ZNF34: variants seen among roughly 807,000 people sequenced by gnomAD.
ZNF34 encodes zinc finger protein 34.
Under a neutral mutation model 14.4 loss-of-function variants are expected in ZNF34, and 8 were observed. That is an observed-to-expected ratio of 0.55 (90% CI 0.33 to 1.00). ZNF34 has a LOEUF of 1.00. Among genes scored for constraint, ZNF34 ranks in the 50% least tolerant of loss-of-function variants. The pLI is 0.03. For missense variants in ZNF34, 538 were observed against 674.2 expected (o/e 0.80, Z 2.24); for synonymous variants, 235 against 247.9 (o/e 0.95, Z 0.49).
intron 2 of ZNF34, among the ~76,000 whole-genome samples, chr8:144,780,026 C>CAAA (rs10710060): frequency 4.3e-4 from 44 of 101,640 alleles, no homozygotes; most frequent in African/African-American, 1.5e-3. Context: ...TTAATGCTAC[C>CAAA]AAAAAAAAAA....
chr8:144,784,458 TAAAA>T (rs397891745), intron 1 of ZNF34, among the ~76,000 whole-genome samples: 8 of 126,242 alleles, frequency 6.3e-5, no homozygotes, highest in African/African-American at 2.4e-4. Context: ...ACCTAAACAT[TAAAA>T]AAAAAAAAAA....
chr8:144,786,536 A>G (rs1037356677), intron 1 of ZNF34, among the ~76,000 whole-genome samples: 2 of 151,660 alleles, frequency 1.3e-5, no homozygotes, highest in African/African-American at 4.8e-5. Context: ...CGGGAGGCTG[A>G]GACAGGAGAA....
intron 1 of ZNF34, among the ~76,000 whole-genome samples, chr8:144,786,953 G>T (rs1223450627): frequency 6.6e-6 from 1 of 152,066 alleles, no homozygotes; most frequent in Non-Finnish European, 1.5e-5. Context: ...TGGGACCAAG[G>T]GGTCTGGAGC....
intron 1 of ZNF34, among the ~76,000 whole-genome samples, chr8:144,781,164 A>T (rs1002976489): frequency 8.5e-5 from 10 of 117,968 alleles, no homozygotes; most frequent in African/African-American, 2.8e-4. Context: ...TAAATAAATA[A>T]AAATAAAAAT....
chr8:144,786,553 G>C (rs920169683), intron 1 of ZNF34, among the ~76,000 whole-genome samples: 1 of 151,748 alleles, frequency 6.6e-6, no homozygotes, highest in Non-Finnish European at 1.5e-5. Flanking sequence ...AGAATCCCTT[G>C]AACTCGGGAG....
At chr8:144,786,675 A>G (rs1201207252) in intron 1 of ZNF34, among the ~76,000 whole-genome samples, 1 of 145,734 alleles carries the variant, frequency 6.9e-6, no homozygotes, top group Admixed American at 6.6e-5. Flanking sequence ...GAGAAGAGAA[A>G]AGAAAAGAAA....
chr8:144,774,728 A>G, intron 5 of ZNF34, 123 bp from the exon 6 acceptor site: 1 of 1,216,338 alleles, frequency 8.2e-7, no homozygotes, highest in Non-Finnish European at 1.1e-6. Flanking sequence ...CAGCCTTGCA[A>G]AGATAAGAGC....
At chr8:144,785,855 A>C (rs1041365961) in intron 1 of ZNF34, among the ~76,000 whole-genome samples, 3 of 152,186 alleles carry the variant, frequency 2.0e-5, no homozygotes, top group African/African-American at 7.2e-5. Flanking sequence ...GTAGAAGAAG[A>C]AAAAACTTCA....
In ZNF34 at chr8:144,777,333, T is replaced by C. The variant is rs773970166; in HGVS notation, c.280+125A>G. Reference sequence around the variant, plus strand: ...ACCTGGGCTTCAGCAAAGGCCACTGTCAGGCCTCCTGTGCTAGCCCCGATG... The same window carrying C: ...ACCTGGGCTTCAGCAAAGGCCACTGCCAGGCCTCCTGTGCTAGCCCCGATG... On this transcript the variant is annotated intron_variant, in intron 5 of 5. Transcript: ENST00000429371. The surrounding 1 kb of genome is among the most constrained non-coding windows in gnomAD (Gnocchi z 4.8). The C allele has an allele frequency of 1.2e-4, 158 of 1,328,708 alleles. No homozygotes were observed. The highest frequency in any genetic ancestry group is 1.4e-4 in the Non-Finnish European group (143 of 993,118). The allele number at this position is 1,328,708 out of a possible 1,614,324, so 82.3% of individuals were successfully genotyped here.
rs1825229373 is a variant in ZNF34 at position 144,772,314 on chromosome 8, G to A, written c.*952C>T. 6.6e-6 allele frequency among the ~76,000 whole-genome samples: 1 copy of A among 152,154 alleles called. No homozygotes were observed. The highest frequency in any genetic ancestry group is 2.1e-4 in the South Asian group (1 of 4,830). On this transcript the variant is annotated 3_prime_UTR_variant, in exon 6 of 6. Coordinates refer to ENST00000429371, the MANE Select transcript of ZNF34 (RefSeq NM_001286769.2). ...TGAGGTTACCAGCAGTAGGGAGAAG[G>A]GGGAAATGAAGAGTTATTATTTAAT...
rs182100873 is a variant in ZNF34 at position 144,784,817 on chromosome 8, T to C, written c.-108+2462A>G. On this transcript the variant is annotated intron_variant, in intron 1 of 5. Transcript: ENST00000429371. ...TAAAAGCCTATAAAGAAAAAGATTG[T>C]TTGATTCCATCAAAAAGAAAAAAGG... 2.6e-5 allele frequency among the ~76,000 whole-genome samples: 4 copies of C among 150,988 alleles called. No homozygotes were observed. The East Asian group carries it at 7.9e-4, about 30-fold the overall frequency.
Position 144,773,674 on chromosome 8 carries a change from C to A in ZNF34, c.1212G>T (p.Glu404Asp). 1 of 1,613,986 alleles carries A rather than the reference C, an allele frequency of 6.2e-7. No homozygotes were observed. Among genetic ancestry groups the A allele is most frequent in the Non-Finnish European group, 8.5e-7 (1 of 1,179,952 alleles). The change falls in exon 6 of 6, where the codon GAG (glutamate) becomes GAT (aspartate). Residue 404 changes from glutamate (E) to aspartate (D), a missense_variant. Glu to Asp is a conservative substitution (Grantham distance 45). Around this residue, in one of 3 missense-constraint regions of ZNF34, gnomAD observed 431 missense variants for 525.7 expected, o/e 0.82. Coordinates refer to ENST00000429371, the MANE Select transcript of ZNF34 (RefSeq NM_001286769.2). The surrounding 1 kb of genome is among the most constrained non-coding windows in gnomAD (Gnocchi z 5.4). ...GEKPYKCNEC[E>D]KAFIQKTKLV... ...GTTTGGTTTTTTGAATGAAAGCTTT[C>A]TCACATTCATTACATTTATAGGGTT... is the stretch of plus-strand genomic sequence containing the variant.
At chr8:144,776,638 C>T (rs2130231289) in intron 5 of ZNF34, among the ~76,000 whole-genome samples, 1 of 150,032 alleles carries the variant, frequency 6.7e-6, no homozygotes, top group Middle Eastern at 3.8e-3. Flanking sequence ...GGTGCAGTGG[C>T]AGTGGCTCAC....
At chr8:144,784,618 C>T (rs998480058) in intron 1 of ZNF34, among the ~76,000 whole-genome samples, 2 of 151,644 alleles carry the variant, frequency 1.3e-5, no homozygotes, top group Admixed American at 6.6e-5. Flanking sequence ...ATTAGCCGGG[C>T]GTGGTGGCGG....
At chr8:144,776,928 A>AAG (rs1825558473) in intron 5 of ZNF34, among the ~76,000 whole-genome samples, 1 of 151,914 alleles carries the variant, frequency 6.6e-6, no homozygotes, top group African/African-American at 2.4e-5. Context: ...AAAAAAAAAA[A>AAG]AAAGCAGTGT....
At chr8:144,778,676 A>G (rs1389233630) in intron 2 of ZNF34, among the ~76,000 whole-genome samples, 151 bp from the exon 3 acceptor site, 3 of 149,376 alleles carry the variant, frequency 2.0e-5, no homozygotes, top group Non-Finnish European at 2.9e-5. Context: ...CCTCCCGGAC[A>G]TAGACTCCAC....
At position 144,774,561 on chromosome 8, in the gene ZNF34, T is replaced by C; in HGVS notation, c.325A>G (p.Thr109Ala). Reference sequence around the variant, plus strand: ...CCCTGGGGATCTTCCTCACCAAATGTCTCCTGTGAAGTCAACTCCTTGTAC... The same window carrying C: ...CCCTGGGGATCTTCCTCACCAAATGCCTCCTGTGAAGTCAACTCCTTGTAC... ...TEYKELTSQE[T>A]FGEEDPQGSE... The change falls in exon 6 of 6, where the codon ACA (threonine) becomes GCA (alanine). Residue 109 changes from threonine (T) to alanine (A), a missense_variant. Thr to Ala is a moderately conservative substitution (Grantham distance 58). Coordinates refer to ENST00000429371, the MANE Select transcript of ZNF34 (RefSeq NM_001286769.2). The C allele has an allele frequency of 6.2e-7, 1 of 1,613,822 alleles. No homozygotes were observed. The highest frequency in any genetic ancestry group is 8.5e-7 in the Non-Finnish European group (1 of 1,179,844).
Position 144,773,829 on chromosome 8 carries a change from C to T in ZNF34, c.1057G>A (p.Asp353Asn). 1 of 1,614,106 alleles carries T rather than the reference C, an allele frequency of 6.2e-7. No individual in the cohort carries two copies. The highest frequency in any genetic ancestry group is 8.5e-7 in the Non-Finnish European group (1 of 1,180,002). Residue 353 changes from aspartate to asparagine, a missense_variant, in exon 6 of 6, where the codon GAT becomes AAT. Coordinates refer to ENST00000429371, the MANE Select transcript of ZNF34 (RefSeq NM_001286769.2). The surrounding 1 kb of genome is among the most constrained non-coding windows in gnomAD (Gnocchi z 5.4). ...CGATGTCGGATAAGGATTGAGCCAT[C>T]ACTGAAGGCTTTCCCGCAGTCATTA... ...KCNDCGKAFSDGSILIRHRRT... is the reference protein window; with the variant it reads ...KCNDCGKAFSNGSILIRHRRT...
At chr8:144,784,346 A>G (rs1275029056) in intron 1 of ZNF34, among the ~76,000 whole-genome samples, 1 of 152,012 alleles carries the variant, frequency 6.6e-6, no homozygotes, top group Non-Finnish European at 1.5e-5. Context: ...ATGGCAATGA[A>G]GAAGGACAAT....
Sources: gnomAD v4.1 joint callset for allele counts (sites outside exome capture counted in the v4.1 genomes callset) on GRCh38, gnomAD v4.1.1 for gene constraint, gnomAD v4.1.1 regional missense constraint, Gnocchi (gnomAD v3.1) non-coding constraint, MANE v1.5 for transcripts, NCBI Gene and HGNC (gene_info 2026-07-23, HGNC 2026-07-21) for gene names.